LSAMP: variants seen among roughly 807,000 people sequenced by gnomAD.
LSAMP encodes the protein limbic system associated membrane protein.
A neutral mutation model predicts 38.6 loss-of-function variants in LSAMP; 7 were observed. The observed-to-expected ratio is 0.18, with a 90% CI of 0.10 to 0.34. The LOEUF is 0.34. LSAMP is among the 10% of genes least tolerant of loss of function. The probability of loss-of-function intolerance (pLI) is 1.00; values close to 1 mark genes in which losing one functional copy is unlikely to be tolerated. For missense variants in LSAMP, 313 were observed against 420.0 expected, an observed-to-expected ratio of 0.75 and a Z score of 2.23; for synonymous variants, 154 against 166.8, an observed-to-expected ratio of 0.92 and a Z score of 0.59.
Position 116,023,403 on chromosome 3 carries a change from G to A in LSAMP, c.389-3763C>T, listed in dbSNP as rs1940692964. Among the ~76,000 whole-genome samples the A allele has an allele frequency of 3.3e-5, 5 of 151,238 alleles. No homozygotes were observed. In the South Asian group the frequency reaches 1.0e-3, roughly 32 times the overall value. ...AGGTCAGGAGATCGAGACCATCCTG[G>A]CTAACACGGTGAAACCCCATCTCTA... is the stretch of plus-strand genomic sequence containing the variant. On this transcript the variant is annotated intron_variant, in intron 2 of 6. Coordinates refer to ENST00000490035, the MANE Select transcript of LSAMP (RefSeq NM_002338.5).
At chr3:115,991,951 A>C (rs1404765131) in intron 3 of LSAMP, among the ~76,000 whole-genome samples, 1 of 151,972 alleles carries the variant, frequency 6.6e-6, no homozygotes, top group Non-Finnish European at 1.5e-5. Flanking sequence ...TCTTTTCCCC[A>C]CCCATGTTTG....
chr3:116,330,648 TAGAAAGTGACAGC>T (rs2047839221), intron 1 of LSAMP, among the ~76,000 whole-genome samples: 1 of 152,050 alleles, frequency 6.6e-6, no homozygotes, highest in South Asian at 2.1e-4. Context: ...CTTGGAAAAT[TAGAAAGTGACAGC>T]ACATGCCCAG....
chr3:115,977,446 G>T (rs1939221844), intron 3 of LSAMP, among the ~76,000 whole-genome samples: 1 of 152,098 alleles, frequency 6.6e-6, no homozygotes, highest in Non-Finnish European at 1.5e-5. Context: ...AAGCAGATTT[G>T]GCCCAACCAC....
intron 1 of LSAMP, among the ~76,000 whole-genome samples, chr3:116,436,735 T>C (rs1166861427): frequency 1.3e-5 from 2 of 152,138 alleles, no homozygotes; most frequent in Non-Finnish European, 2.9e-5. Context: ...CTGGTGGGAA[T>C]GTAAACTAGT....
At chr3:115,965,893 T>C (rs1269367691) in intron 3 of LSAMP, among the ~76,000 whole-genome samples, 1 of 152,166 alleles carries the variant, frequency 6.6e-6, no homozygotes, top group African/African-American at 2.4e-5. Context: ...ATACAAATTA[T>C]CTTTAGTTGT....
intron 1 of LSAMP, among the ~76,000 whole-genome samples, chr3:116,314,884 A>G (rs979796734): frequency 1.3e-5 from 2 of 152,222 alleles, no homozygotes; most frequent in African/African-American, 4.8e-5. Context: ...TGCAATATCA[A>G]TTCTTGGGGG....
At chr3:115,885,773 C>T (rs773352581) in intron 3 of LSAMP, among the ~76,000 whole-genome samples, 1 of 151,784 alleles carries the variant, frequency 6.6e-6, no homozygotes, top group Admixed American at 6.6e-5. Flanking sequence ...AGAGTCAATA[C>T]TCATGCAGGC....
chr3:116,275,201 C>A (rs2047032450), intron 1 of LSAMP, among the ~76,000 whole-genome samples: 1 of 152,000 alleles, frequency 6.6e-6, no homozygotes, highest in Non-Finnish European at 1.5e-5. Context: ...TACAGGTATG[C>A]ACCATCATGC....
rs1382003924 is a variant in LSAMP at position 116,349,329 on chromosome 3, T to C, written c.155+95548A>G. 2.6e-5 allele frequency among the ~76,000 whole-genome samples: 4 copies of C among 152,178 alleles called. No homozygotes were observed. The East Asian group carries it at 7.7e-4, about 29-fold the overall frequency. On this transcript the variant is annotated intron_variant, in intron 1 of 6. Transcript: ENST00000490035. ...ATGTGAAGTCCATACTGTGGAATAT[T>C]GTGTATCTCAAAATTTAAAAAATAT...
chr3:115,908,067 A>G (rs1439948521), intron 3 of LSAMP, among the ~76,000 whole-genome samples: 1 of 151,126 alleles, frequency 6.6e-6, no homozygotes, highest in South Asian at 2.1e-4. Flanking sequence ...GTGTTTGACC[A>G]TACAGGGAAG....
chr3:116,367,492 T>C (rs2048369513), intron 1 of LSAMP, among the ~76,000 whole-genome samples: 1 of 140,970 alleles, frequency 7.1e-6, no homozygotes, highest in Non-Finnish European at 1.5e-5. Context: ...ATTTATTTTC[T>C]TCCTTTTTTT....
At position 116,232,699 on chromosome 3, in the gene LSAMP, C is replaced by T. The variant is rs73858569; in HGVS notation, c.156-146143G>A. Among the ~76,000 whole-genome samples the T allele has an allele frequency of 4.1e-3, 404 of 99,440 alleles. 3 individuals are homozygous for T. Among genetic ancestry groups the T allele is most frequent in the African/African-American group, 0.011 (338 of 31,828 alleles). 65.2% of individuals were successfully genotyped at this position (99,440 alleles called of 152,430 possible). ...TTAATTTTCTTTTCTTTCTTTCTTT[C>T]TTTTTTTTTTTTTTTTTCCAGCAGG... On this transcript the variant is annotated intron_variant, in intron 1 of 6. Coordinates refer to ENST00000490035, the MANE Select transcript of LSAMP (RefSeq NM_002338.5).
intron 1 of LSAMP, among the ~76,000 whole-genome samples, chr3:116,427,880 G>A (rs530067964): frequency 1.5e-4 from 23 of 152,312 alleles, no homozygotes; most frequent in Non-Finnish European, 2.6e-4. Flanking sequence ...AACAGCTGAT[G>A]TTCCCAGGTA....
intron 1 of LSAMP, among the ~76,000 whole-genome samples, chr3:116,148,686 C>A (rs76256918): frequency 6.6e-6 from 1 of 152,022 alleles, no homozygotes; most frequent in African/African-American, 2.4e-5. Flanking sequence ...ATCTTTGTTC[C>A]ATGTAACCTC....
intron 3 of LSAMP, among the ~76,000 whole-genome samples, chr3:115,942,843 G>A (rs1045544133): frequency 7.9e-5 from 12 of 152,184 alleles, no homozygotes; most frequent in Non-Finnish European, 1.8e-4. Context: ...TTATGTCGAC[G>A]GTGAAAACAG....
chr3:116,065,600 A>G (rs1707409015), intron 2 of LSAMP, among the ~76,000 whole-genome samples: 1 of 152,228 alleles, frequency 6.6e-6, no homozygotes, highest in Non-Finnish European at 1.5e-5. Context: ...ATTATAAAAT[A>G]GGGACTGTAA....
intron 6 of LSAMP, among the ~76,000 whole-genome samples, chr3:115,832,638 G>A (rs541220778): frequency 4.6e-5 from 7 of 152,268 alleles, no homozygotes; most frequent in African/African-American, 1.4e-4. Context: ...GTAAAGAACA[G>A]AAAACTTAAG....
At chr3:116,230,308 T>C (rs1233228033) in intron 1 of LSAMP, among the ~76,000 whole-genome samples, 1 of 152,148 alleles carries the variant, frequency 6.6e-6, no homozygotes, top group East Asian at 1.9e-4. Context: ...TCCTTCCTAG[T>C]TAGGGCTTCA....
chr3:115,986,750 A>C (rs1468522232), intron 3 of LSAMP, among the ~76,000 whole-genome samples: 1 of 152,130 alleles, frequency 6.6e-6, no homozygotes, highest in Non-Finnish European at 1.5e-5. Context: ...GCTCAGCAAC[A>C]ATCATATCTC....
Sources: gnomAD v4.1 joint callset for allele counts (sites outside exome capture counted in the v4.1 genomes callset) on GRCh38, gnomAD v4.1.1 for gene constraint, MANE v1.5 for transcripts, NCBI Gene and HGNC (gene_info 2026-07-23, HGNC 2026-07-21) for gene names.